Variants in GLP1R observed in about 807,000 individuals in gnomAD.
GLP1R encodes the protein glucagon-like peptide 1 receptor.
GLP1R carries 32 observed loss-of-function variants against 68.4 expected under a neutral mutation model. That is an observed-to-expected ratio of 0.47 (90% CI 0.35 to 0.63). GLP1R has a LOEUF of 0.63. Among genes scored for constraint, GLP1R ranks in the 20% least tolerant of loss-of-function variants. The pLI, the probability that GLP1R is intolerant of heterozygous loss-of-function variation, is 0.00. For synonymous variants in GLP1R, 263 were observed against 244.4 expected, an observed-to-expected ratio of 1.08 and a Z score of -0.71; for missense variants, 502 against 594.9, an observed-to-expected ratio of 0.84 and a Z score of 1.62.
chr6:39,071,872 G>A (rs1054410459), intron 5 of GLP1R, among the ~76,000 whole-genome samples: 8 of 152,064 alleles, frequency 5.3e-5, no homozygotes, highest in African/African-American at 1.4e-4. Flanking sequence ...TTAAGGTAGC[G>A]AGTCTTTCTA....
chr6:39,078,265 A>G (rs2150835479), intron 7 of GLP1R, 57 bp from the exon 8 acceptor site: 2 of 1,265,390 alleles, frequency 1.6e-6, no homozygotes, highest in South Asian at 1.2e-5. Context: ...CTCGGCATGT[A>G]GACTGTGGCT....
In GLP1R at chr6:39,073,678, C is replaced by G. The variant is rs752160284; in HGVS notation, c.732C>G (p.Leu244=). ...GTGTGGCGGCCAATTACTACTGGCT[C>G]TTGGTGGAGGGCGTGTACCTGTACA... ...QYCVAANYYW[L]LVEGVYLYTL... Residue 244 remains leucine, a synonymous_variant, in exon 7 of 13, where the codon CTC becomes CTG. Coordinates refer to ENST00000373256, the MANE Select transcript of GLP1R (RefSeq NM_002062.5). 5.6e-6 allele frequency: 9 copies of G among 1,613,810 alleles called. No individual in the cohort carries two copies. Among genetic ancestry groups the G allele is most frequent in the Non-Finnish European group, 3.4e-6 (4 of 1,179,738 alleles).
chr6:39,081,798 C>G (rs1001967308), intron 12 of GLP1R, among the ~76,000 whole-genome samples: 1 of 152,210 alleles, frequency 6.6e-6, no homozygotes, highest in African/African-American at 2.4e-5. Context: ...ACTTAATGAG[C>G]TGTGTGACTT....
intron 3 of GLP1R, among the ~76,000 whole-genome samples, chr6:39,064,535 C>A (rs1450678054): frequency 6.6e-6 from 1 of 152,020 alleles, no homozygotes; most frequent in East Asian, 1.9e-4. Context: ...GGTCAATATC[C>A]CCCCACCCTC....
chr6:39,051,131 C>A (rs1035837381), intron 1 of GLP1R, among the ~76,000 whole-genome samples: 1 of 152,132 alleles, frequency 6.6e-6, no homozygotes, highest in Non-Finnish European at 1.5e-5. Flanking sequence ...ACAGGCAAGC[C>A]TTTGACACTC....
chr6:39,078,891 C>T, intron 8 of GLP1R, 66 bp from the exon 9 acceptor site: 4 of 1,387,950 alleles, frequency 2.9e-6, no homozygotes, highest in South Asian at 1.2e-5. Context: ...GCCTCTGTGC[C>T]TGCACCTGAG....
intron 3 of GLP1R, among the ~76,000 whole-genome samples, chr6:39,058,611 A>C (rs1188647352): frequency 6.6e-6 from 1 of 152,046 alleles, no homozygotes; most frequent in Admixed American, 6.5e-5. Context: ...AGGAGCTCCC[A>C]GTCTCCATAA....
chr6:39,078,695 T>C (rs1322266359), intron 8 of GLP1R, among the ~76,000 whole-genome samples: 1 of 152,296 alleles, frequency 6.6e-6, no homozygotes, highest in Middle Eastern at 3.4e-3. Flanking sequence ...CACATGACTG[T>C]GTTGGTAGGT....
chr6:39,082,144 C>T (rs903314639), intron 12 of GLP1R, among the ~76,000 whole-genome samples: 11 of 152,144 alleles, frequency 7.2e-5, no homozygotes, highest in Non-Finnish European at 2.9e-5. Flanking sequence ...TCCCTTGTCC[C>T]TGAGGCCTCC....
chr6:39,061,113 C>G (rs371466697), intron 3 of GLP1R, among the ~76,000 whole-genome samples: 2 of 152,200 alleles, frequency 1.3e-5, no homozygotes, highest in Admixed American at 1.3e-4. Flanking sequence ...CCACGGGCCT[C>G]GGAACTACGC....
Position 39,074,356 on chromosome 6 carries a change from CT to C in GLP1R, c.823+596del, listed in dbSNP as rs962113298. 12 of 151,238 alleles carry C rather than the reference CT, an allele frequency of 7.9e-5. No individual in the cohort carries two copies. In the South Asian group the frequency reaches 8.4e-4, roughly 11 times the overall value. The allele number at this position is 151,238 out of a possible 1,614,324, so 9.4% of individuals were successfully genotyped here. A position where few individuals can be genotyped will look rare whatever the true frequency, so the allele number is the denominator to read the frequency against. ...AAAAGTTTGCCAAGAACCATTGTGT[CT>C]TTTTTTTTGCTGGAACATTTCTGGT... On this transcript the variant is annotated intron_variant, in intron 7 of 12. Transcript: ENST00000373256.
At chr6:39,070,311 T>C (rs1768626321) in intron 5 of GLP1R, among the ~76,000 whole-genome samples, 1 of 152,278 alleles carries the variant, frequency 6.6e-6, no homozygotes, top group African/African-American at 2.4e-5. Context: ...CAGTCCTGTT[T>C]TGTGGATTTT....
At chr6:39,055,622 C>A (rs1009803500) in intron 1 of GLP1R, among the ~76,000 whole-genome samples, 1 of 151,872 alleles carries the variant, frequency 6.6e-6, no homozygotes, top group African/African-American at 2.4e-5. Context: ...TGGAACCTCC[C>A]TGACCCCTTC....
intron 3 of GLP1R, among the ~76,000 whole-genome samples, chr6:39,061,402 CCCTA>C (rs1489454050): frequency 2.2e-4 from 33 of 152,344 alleles, no homozygotes; most frequent in African/African-American, 7.7e-4. Context: ...TCCTCCTGAT[CCCTA>C]CCTGTTTGTT....
intron 1 of GLP1R, among the ~76,000 whole-genome samples, chr6:39,052,166 T>C (rs1346945969): frequency 6.6e-6 from 1 of 152,038 alleles, no homozygotes; most frequent in Non-Finnish European, 1.5e-5. Flanking sequence ...TTTTTGTGAC[T>C]GTAAGAACAT....
chr6:39,074,892 C>T (rs947798762), intron 7 of GLP1R, among the ~76,000 whole-genome samples: 10 of 152,156 alleles, frequency 6.6e-5, no homozygotes, highest in African/African-American at 2.4e-4. Context: ...TGTCCTTGCA[C>T]TTCATTTATT....
At chr6:39,060,424 G>A (rs773922760) in intron 3 of GLP1R, among the ~76,000 whole-genome samples, 46 of 152,288 alleles carry the variant, frequency 3.0e-4, no homozygotes, top group South Asian at 1.7e-3. Context: ...GACCAATGAG[G>A]CATATAAAGC....
intron 7 of GLP1R, among the ~76,000 whole-genome samples, chr6:39,075,600 G>A (rs1768796080): frequency 6.6e-6 from 1 of 152,160 alleles, no homozygotes; most frequent in Non-Finnish European, 1.5e-5. Flanking sequence ...AGACCCGGAG[G>A]ACACCCTGCT....
rs549237481 is a variant in GLP1R, at chr6:39,062,428, A to T, written c.284-3283A>T. On this transcript the variant is annotated intron_variant, in intron 3 of 12. Coordinates refer to ENST00000373256, the MANE Select transcript of GLP1R (RefSeq NM_002062.5). ...GAACCAGCCTGGCTTTTAATATTTG[A>T]TGTTAATGAAGGGTAATTGACAGAT... Among the ~76,000 whole-genome samples, 11 of 152,330 alleles carry T rather than the reference A, an allele frequency of 7.2e-5. No individual in the cohort carries two copies. The East Asian group carries it at 1.7e-3, about 24-fold the overall frequency.
Sources: allele counts gnomAD v4.1 joint callset (sites outside exome capture counted in the v4.1 genomes callset), GRCh38; gene constraint gnomAD v4.1.1; transcripts MANE v1.5; gene names NCBI Gene and HGNC (gene_info 2026-07-23, HGNC 2026-07-21).